Variants in KRT7 observed in about 807,000 individuals in gnomAD.
KRT7 encodes keratin, type II cytoskeletal 7.
In KRT7, 50 loss-of-function variants were observed where a neutral mutation model predicts 42.8. That is an observed-to-expected ratio of 1.17 (90% CI 0.93 to 1.48). The LOEUF (loss-of-function observed/expected upper bound fraction) is 1.48. Ranked by LOEUF, KRT7 falls within the 40% of genes most tolerant of loss-of-function variation. KRT7 has a pLI of 0.00. For synonymous variants in KRT7, 268 were observed against 266.3 expected (o/e 1.01, Z -0.06); for missense variants, 588 against 637.6 (o/e 0.92, Z 0.84).
downstream of KRT7, chr12:52,251,901 A>G (rs1592400501): frequency 2.2e-6 from 1 of 453,620 alleles, no homozygotes; most frequent in South Asian, 1.7e-5. Flanking sequence ...AACGGAGTGG[A>G]GCAGTTGAGG....
chr12:52,253,370 G>A (rs1164899741), downstream of KRT7: 1 of 1,609,166 alleles, frequency 6.2e-7, no homozygotes, highest in South Asian at 1.1e-5. Flanking sequence ...TGAGGCTCAG[G>A]GTGGGACCTC....
At chr12:52,248,090 C>A in intron 7 of KRT7, 87 bp from the exon 8 acceptor site, 2 of 1,271,574 alleles carry the variant, frequency 1.6e-6, no homozygotes, top group Non-Finnish European at 2.3e-6. Flanking sequence ...AATGATCCTG[C>A]TTGGGGCCTG....
chr12:52,250,552 AG>A (rs1942248091), downstream of KRT7: 18 of 1,212,032 alleles, frequency 1.5e-5, no homozygotes, highest in East Asian at 2.6e-5. Flanking sequence ...TTCCCGCTGC[AG>A]GGGGCACTGC....
At chr12:52,255,407 AT>A (rs1292527545), downstream of KRT7, 1 of 456,808 alleles carries the variant, frequency 2.2e-6, no homozygotes, top group Admixed American at 2.3e-5. Context: ...CCTCTTCTTC[AT>A]ACCTGGGGAC....
At chr12:52,255,404 T>C (rs748137960), downstream of KRT7, 67 of 456,652 alleles carry the variant, frequency 1.5e-4, no homozygotes, top group African/African-American at 1.3e-3. Flanking sequence ...CCACCTCTTC[T>C]TCATACCTGG....
At chr12:52,234,226 C>A (rs972688633) in intron 1 of KRT7, among the ~76,000 whole-genome samples, 2 of 151,972 alleles carry the variant, frequency 1.3e-5, no homozygotes, top group Non-Finnish European at 2.9e-5. Context: ...TGAAGACAGC[C>A]CAGTTGGGGG....
chr12:52,243,955 T>A (rs1291159946), intron 6 of KRT7, among the ~76,000 whole-genome samples: 2 of 152,216 alleles, frequency 1.3e-5, no homozygotes, highest in Non-Finnish European at 2.9e-5. Flanking sequence ...GGGTCTCAGA[T>A]GAGAGACTGC....
chr12:52,253,861 C>T, downstream of KRT7: 1 of 446,786 alleles, frequency 2.2e-6, no homozygotes, highest in Admixed American at 2.4e-5. Flanking sequence ...TTCCCTGCTT[C>T]TTCGATGTCT....
intron 4 of KRT7, among the ~76,000 whole-genome samples, chr12:52,239,964 A>G (rs1282758281): frequency 6.6e-6 from 1 of 152,192 alleles, no homozygotes; most frequent in East Asian, 1.9e-4. Flanking sequence ...GGGCATAATT[A>G]GCTTGTGAGG....
chr12:52,250,394 G>T, downstream of KRT7: 1 of 395,110 alleles, frequency 2.5e-6, no homozygotes, highest in Non-Finnish European at 4.8e-6. Context: ...TCTGGGGACC[G>T]TGGGAGCTCC....
At chr12:52,253,706 G>A (rs769202128), downstream of KRT7, 2 of 1,377,558 alleles carry the variant, frequency 1.5e-6, no homozygotes, top group Non-Finnish European at 2.0e-6. Context: ...GGTCCCGACT[G>A]TTGTCCATCT....
intron 4 of KRT7, among the ~76,000 whole-genome samples, chr12:52,239,243 A>G (rs1165050474): frequency 2.0e-5 from 3 of 152,178 alleles, no homozygotes; most frequent in Non-Finnish European, 4.4e-5. Flanking sequence ...GGGCAGGCTG[A>G]TAAGAACAGA....
chr12:52,251,675 A>T (rs1188114628), downstream of KRT7: 1 of 303,414 alleles, frequency 3.3e-6, no homozygotes, highest in Non-Finnish European at 6.4e-6. Flanking sequence ...CTACTGTCCT[A>T]TATTCCATCC....
At chr12:52,234,710 A>G (rs544910889) in intron 1 of KRT7, among the ~76,000 whole-genome samples, 74 of 152,088 alleles carry the variant, frequency 4.9e-4, no homozygotes, top group African/African-American at 1.7e-3. Context: ...TCATTTTACC[A>G]TGGATTGACT....
intron 5 of KRT7, among the ~76,000 whole-genome samples, chr12:52,242,466 G>A (rs969701467): frequency 3.9e-5 from 6 of 152,224 alleles, no homozygotes; most frequent in Non-Finnish European, 7.3e-5. Flanking sequence ...GGGAGCAGGA[G>A]TGGGTGCTGG....
intron 1 of KRT7, among the ~76,000 whole-genome samples, chr12:52,234,677 C>A (rs1454604765): frequency 6.6e-6 from 1 of 152,096 alleles, no homozygotes; most frequent in East Asian, 1.9e-4. Context: ...TCCTTAAGGG[C>A]CTTTGTGGGC....
At chr12:52,246,591 C>T (rs1167613867) in intron 7 of KRT7, 1 of 152,336 alleles carries the variant, frequency 6.6e-6, no homozygotes, top group African/African-American at 2.4e-5. Flanking sequence ...CACAGGGCCG[C>T]AGGGTATGAG....
chr12:52,235,430 A>C lies in KRT7; in HGVS notation c.536+64A>C. The C allele has an allele frequency of 2.1e-6, 3 of 1,404,056 alleles. No homozygotes were observed. The South Asian group carries it at 4.0e-5, about 19-fold the overall frequency. The allele number at this position is 1,404,056 out of a possible 1,614,324, so 87.0% of individuals were successfully genotyped here. ...GGGCCAATGTGACCCTCATGAGCTG[A>C]CCCTGTGCAAGTCCCCCTGCTTCAG... On this transcript the variant is annotated intron_variant, in intron 2 of 8. Coordinates refer to ENST00000331817, the MANE Select transcript of KRT7 (RefSeq NM_005556.4).
intron 2 of KRT7, among the ~76,000 whole-genome samples, chr12:52,236,849 A>G (rs1195099860): frequency 6.6e-6 from 1 of 151,914 alleles, no homozygotes; most frequent in Non-Finnish European, 1.5e-5. Flanking sequence ...CCTTGGGAGG[A>G]AGAGTGATGG....
Sources: allele counts gnomAD v4.1 joint callset (sites outside exome capture counted in the v4.1 genomes callset), GRCh38; gene constraint gnomAD v4.1.1; transcripts MANE v1.5; gene names NCBI Gene and HGNC (gene_info 2026-07-23, HGNC 2026-07-21).